The following SMYD4 variants were observed in gnomAD, a reference collection of about 807,000 sequenced individuals.
SMYD4 encodes the protein protein-lysine N-methyltransferase SMYD4.
Under a neutral mutation model 72.8 loss-of-function variants are expected in SMYD4, and 68 were observed. The observed-to-expected ratio is 0.93, with a 90% CI of 0.77 to 1.14. The LOEUF (loss-of-function observed/expected upper bound fraction) is 1.14. SMYD4 is among the 50% of genes most tolerant of loss of function. The pLI, the probability that SMYD4 is intolerant of heterozygous loss-of-function variation, is 0.00. For synonymous variants in SMYD4, 407 were observed against 388.6 expected (o/e 1.05, Z -0.56); for missense variants, 984 against 1,003.7 (o/e 0.98, Z 0.27).
At position 1,779,514 on chromosome 17, in the gene SMYD4, C is replaced by CAAAACAAAAT. The variant is rs61125278; in HGVS notation, c.*1771_*1772insATTTTGTTTT. On this transcript the variant is annotated 3_prime_UTR_variant, in exon 11 of 11. Transcript: ENST00000305513. Reference sequence around the variant, plus strand: ...CAAAACAAAACAAAACAAAACAAAACCAACAACTCAGAAGGAGGCATATGT... The same window carrying CAAAACAAAAT: ...CAAAACAAAACAAAACAAAACAAAACAAAACAAAATCAACAACTCAGAAGGAGGCATATGT... 2 of 150,596 alleles carry CAAAACAAAAT rather than the reference C, an allele frequency of 1.3e-5. No homozygotes were observed. The highest frequency in any genetic ancestry group is 2.5e-5 in the African/African-American group (1 of 40,710). 9.3% of individuals were successfully genotyped at this position (150,596 alleles called of 1,614,324 possible). A position where few individuals can be genotyped will look rare whatever the true frequency, so the allele number is the denominator to read the frequency against.
At chr17:1,804,437 A>T in intron 4 of SMYD4, 189 bp downstream of exon 4, 2 of 488,408 alleles carry the variant, frequency 4.1e-6, no homozygotes, top group South Asian at 2.1e-5. Flanking sequence ...TTGACCTCCC[A>T]AAGTGCTGAG....
Position 1,782,911 on chromosome 17 carries a change from C to T in SMYD4, c.2261+124G>A, listed in dbSNP as rs549209352. On this transcript the variant is annotated intron_variant, in intron 10 of 10. Transcript: ENST00000305513. ...TGTTAGCAAAACAGAAGGCAAAGATCTCTCCTAAAGAGGAAATAAAGAAGT... is the reference window on the plus strand; with the variant it reads ...TGTTAGCAAAACAGAAGGCAAAGATTTCTCCTAAAGAGGAAATAAAGAAGT... 3 of 1,418,864 alleles carry T rather than the reference C, an allele frequency of 2.1e-6. No homozygotes were observed. The South Asian group carries it at 4.4e-5, about 21-fold the overall frequency. 87.9% of individuals were successfully genotyped at this position (1,418,864 alleles called of 1,614,324 possible). A position where few individuals can be genotyped will look rare whatever the true frequency, so the allele number is the denominator to read the frequency against.
chr17:1,825,993 C>A (rs1339137690), intron 2 of SMYD4, among the ~76,000 whole-genome samples: 1 of 151,612 alleles, frequency 6.6e-6, no homozygotes, highest in Non-Finnish European at 1.5e-5. Flanking sequence ...AATTTATATA[C>A]AATGTAAATG....
intron 4 of SMYD4, among the ~76,000 whole-genome samples, chr17:1,803,124 A>G (rs1597382706): frequency 6.6e-6 from 1 of 152,262 alleles, no homozygotes; most frequent in African/African-American, 2.4e-5. Flanking sequence ...CCTGGGCGAC[A>G]GAGCGAGACA....
At chr17:1,829,674 T>C (rs1911424028) in intron 1 of SMYD4, 52 bp downstream of exon 1, 1 of 150,506 alleles carries the variant, frequency 6.6e-6, no homozygotes, top group Admixed American at 6.7e-5. Context: ...TGCGACTCTA[T>C]TTAGCAGCGG....
At chr17:1,821,475 T>C (rs1331632139) in intron 2 of SMYD4, among the ~76,000 whole-genome samples, 1 of 151,978 alleles carries the variant, frequency 6.6e-6, no homozygotes, top group Non-Finnish European at 1.5e-5. Flanking sequence ...GACGGCACTA[T>C]TGCACTCCAG....
At chr17:1,819,427 C>CAT (rs1910785460) in intron 2 of SMYD4, among the ~76,000 whole-genome samples, 1 of 152,116 alleles carries the variant, frequency 6.6e-6, no homozygotes, top group African/African-American at 2.4e-5. Flanking sequence ...AATCAGGAGA[C>CAT]ATATAATGTC....
chr17:1,806,976 C>A (rs553022467), intron 3 of SMYD4, among the ~76,000 whole-genome samples: 1 of 151,814 alleles, frequency 6.6e-6, no homozygotes, highest in Non-Finnish European at 1.5e-5. Context: ...CTGCAACCTC[C>A]GCCTCCCGGG....
At chr17:1,821,891 A>C (rs557898782) in intron 2 of SMYD4, among the ~76,000 whole-genome samples, 1 of 151,272 alleles carries the variant, frequency 6.6e-6, no homozygotes, top group South Asian at 2.1e-4. Flanking sequence ...AGATCGTGCC[A>C]TTGCACTCCA....
At chr17:1,794,067 G>GTATATATATGTGTGTATATATATATA (rs1909234045) in intron 5 of SMYD4, among the ~76,000 whole-genome samples, 1 of 23,358 alleles carries the variant, frequency 4.3e-5, no homozygotes, top group Non-Finnish European at 1.2e-4. Context: ...GTATATATAT[G>GTATATATATGTGTGTATATATATATA]TGTATATATA....
At chr17:1,825,517 T>C (rs1448063156) in intron 2 of SMYD4, among the ~76,000 whole-genome samples, 6 of 150,436 alleles carry the variant, frequency 4.0e-5, no homozygotes, top group African/African-American at 1.5e-4. Context: ...CTTTCTTTTT[T>C]TTTTTTTTTT....
rs75688411 is a variant in SMYD4, at chr17:1,800,181, C to T, written c.1213G>A (p.Val405Ile). The change falls in exon 5 of 11, where the codon GTT becomes ATT. Residue 405 changes from valine (V) to isoleucine (I), a missense_variant. Transcript: ENST00000305513. Reference protein sequence around the residue: ...LGESEKNGNIVETPIPGCDIN... With the variant: ...LGESEKNGNIIETPIPGCDIN... The stretch of plus-strand genomic sequence containing the variant: ...TCGCATCCAGGAATTGGGGTCTCAA[C>T]GATGTTGCCATTTTTCTCACTCTCC... 1.9e-4 allele frequency: 304 copies of T among 1,610,574 alleles called. 1 individual carries two copies. The African/African-American group carries it at 3.4e-3, about 18-fold the overall frequency.
chr17:1,824,315 C>A (rs1911047045), intron 2 of SMYD4, among the ~76,000 whole-genome samples: 1 of 152,118 alleles, frequency 6.6e-6, no homozygotes, highest in Admixed American at 6.6e-5. Flanking sequence ...TGCACTCCAG[C>A]CTGGGCGACA....
intron 2 of SMYD4, among the ~76,000 whole-genome samples, chr17:1,818,857 A>G (rs1439995446): frequency 6.6e-6 from 1 of 151,904 alleles, no homozygotes; most frequent in East Asian, 1.9e-4. Flanking sequence ...TATGTTGCCC[A>G]GGCTGGCCTC....
rs548133865 is a variant in SMYD4 at position 1,786,819 on chromosome 17, C to T, written c.1875G>A (p.Ala625=). The part of the protein sequence containing the change: ...WEAFCCNSCG[A]PMQGDDVLRC... ...CAGAAGAGAGAATTACCTGCATGGG[C>T]GCTCCGCAACTGTTGCAACAGAATG... Residue 625 remains alanine (A), a synonymous_variant, in exon 7 of 11, where the codon GCG becomes GCA. Transcript: ENST00000305513. 4.3e-5 allele frequency: 69 copies of T among 1,614,130 alleles called. 2 individuals carry two copies. The South Asian group carries it at 6.5e-4, about 15-fold the overall frequency.
At position 1,800,378 on chromosome 17, in the gene SMYD4, C is replaced by T; in HGVS notation, c.1016G>A (p.Gly339Glu). 1 of 1,614,196 alleles carries T rather than the reference C, an allele frequency of 6.2e-7. No individual in the cohort carries two copies. The highest frequency in any genetic ancestry group is 8.5e-7 in the Non-Finnish European group (1 of 1,180,040). The change falls in exon 5 of 11, where the codon GGG (glycine) becomes GAG (glutamate). Residue 339 changes from glycine to glutamate, a missense_variant. Physicochemically the swap from Gly to Glu is moderately conservative, Grantham distance 98 (BLOSUM62 -2). Transcript: ENST00000305513. ...AAAGACACCCAGTGTGAGAAGCAGC[C>T]CTCCCAGAGGACATTCTGTCCTGTG... ...LYHRTECPLG[G>E]LLLTLGVFCH...
chr17:1,789,078 C>T (rs1166455412), intron 5 of SMYD4, among the ~76,000 whole-genome samples: 1 of 152,098 alleles, frequency 6.6e-6, no homozygotes, highest in Non-Finnish European at 1.5e-5. Flanking sequence ...CGAATATATG[C>T]CAGGAATCTC....
chr17:1,819,628 C>T (rs898462845), intron 2 of SMYD4, among the ~76,000 whole-genome samples: 5 of 152,184 alleles, frequency 3.3e-5, no homozygotes, highest in Non-Finnish European at 5.9e-5. Flanking sequence ...TTGCCAGAAT[C>T]ATTCCATCAC....
intron 5 of SMYD4, among the ~76,000 whole-genome samples, chr17:1,794,841 T>C (rs569507019): frequency 2.0e-5 from 3 of 152,196 alleles, no homozygotes; most frequent in South Asian, 4.2e-4. Context: ...GGTATGAAAC[T>C]GATTAGGTTA....
Sources: allele counts gnomAD v4.1 joint callset (sites outside exome capture counted in the v4.1 genomes callset), GRCh38; gene constraint gnomAD v4.1.1; transcripts MANE v1.5; gene names NCBI Gene and HGNC (gene_info 2026-07-23, HGNC 2026-07-21).